The following TMEM135 variants were observed in gnomAD, a reference collection of about 807,000 sequenced individuals.
The protein encoded by TMEM135 is peroxisomal membrane protein 52.
TMEM135 carries 30 observed loss-of-function variants against 60.3 expected under a neutral mutation model. The observed-to-expected ratio is 0.50, with a 90% CI of 0.37 to 0.68. The LOEUF is 0.68. TMEM135 is among the 30% of genes least tolerant of loss of function. The pLI, the probability that TMEM135 is intolerant of heterozygous loss-of-function variation, is 0.00. For synonymous variants in TMEM135, 190 were observed against 186.7 expected, an observed-to-expected ratio of 1.02 and a Z score of -0.14; for missense variants, 468 against 548.8, an observed-to-expected ratio of 0.85 and a Z score of 1.47.
chr11:87,131,471 A>G (rs910060676), intron 4 of TMEM135, among the ~76,000 whole-genome samples: 2 of 152,160 alleles, frequency 1.3e-5, no homozygotes, highest in Non-Finnish European at 2.9e-5. Flanking sequence ...ATACTATTAT[A>G]TCTGCAATGC....
intron 3 of TMEM135, among the ~76,000 whole-genome samples, chr11:87,080,776 C>T (rs891513052): frequency 3.3e-5 from 5 of 152,062 alleles, no homozygotes; most frequent in African/African-American, 1.2e-4. Context: ...AACCTCCACC[C>T]ACCGGGTTCA....
chr11:87,199,113 G>A (rs1940035630), intron 5 of TMEM135, among the ~76,000 whole-genome samples: 1 of 152,190 alleles, frequency 6.6e-6, no homozygotes, highest in South Asian at 2.1e-4. Flanking sequence ...TGTAATCTCA[G>A]CACTTCGGGA....
chr11:87,258,537 C>T lies in TMEM135; in HGVS notation c.509+21853C>T, dbSNP rs146243470. 3.4e-3 allele frequency among the ~76,000 whole-genome samples: 523 copies of T among 152,284 alleles called. 1 individual carries two copies. The highest frequency in any genetic ancestry group is 0.012 in the African/African-American group (498 of 41,556). On this transcript the variant is annotated intron_variant, in intron 6 of 14. Coordinates refer to ENST00000305494, the MANE Select transcript of TMEM135 (RefSeq NM_022918.4). The stretch of plus-strand genomic sequence containing the variant: ...ACATCCCTCCCACTGGTGTCAGTTC[C>T]TACCCCACAGGAGAAAGTGAGATCT...
At chr11:87,038,215 GAGTTTAGTCTGGA>G in intron 1 of TMEM135, 29 bp downstream of exon 1, 1 of 1,612,798 alleles carries the variant, frequency 6.2e-7, no homozygotes, top group Non-Finnish European at 8.5e-7. Context: ...CCCGCAGGGC[GAGTTTAGTCTGGA>G]AGATGGGCCG....
At chr11:87,286,117 C>T (rs960593209) in intron 6 of TMEM135, among the ~76,000 whole-genome samples, 4 of 152,048 alleles carry the variant, frequency 2.6e-5, no homozygotes, top group Non-Finnish European at 5.9e-5. Flanking sequence ...GGTGTATTTA[C>T]GATCCTTTAG....
At chr11:87,318,703 C>T (rs1013959307) in intron 13 of TMEM135, among the ~76,000 whole-genome samples, 2 of 151,902 alleles carry the variant, frequency 1.3e-5, no homozygotes, top group East Asian at 1.9e-4. Flanking sequence ...TTGACATTAA[C>T]GGTGTTAGGG....
intron 1 of TMEM135, among the ~76,000 whole-genome samples, chr11:87,055,463 A>C (rs763985055): frequency 6.6e-6 from 1 of 152,224 alleles, no homozygotes; most frequent in African/African-American, 2.4e-5. Flanking sequence ...GTTTTAAATT[A>C]TAGTAGTCAG....
chr11:87,137,939 C>T lies in TMEM135; in HGVS notation c.397-19402C>T, dbSNP rs558363326. The stretch of plus-strand genomic sequence containing the variant: ...ATCATTTAAATTCCTGAATTACTTA[C>T]CAGCCCACATCTCTAAACAGAAGTA... On this transcript the variant is annotated intron_variant, in intron 4 of 14. Coordinates refer to ENST00000305494, the MANE Select transcript of TMEM135 (RefSeq NM_022918.4). Among the ~76,000 whole-genome samples, 4 of 152,170 alleles carry T rather than the reference C, an allele frequency of 2.6e-5. No homozygotes were observed. The East Asian group carries it at 7.7e-4, about 29-fold the overall frequency.
chr11:87,146,905 G>T (rs900241691), intron 4 of TMEM135, among the ~76,000 whole-genome samples: 9 of 151,366 alleles, frequency 5.9e-5, no homozygotes, highest in Admixed American at 5.3e-4. Context: ...TTGCCTAATA[G>T]GAAATAAATA....
At chr11:87,252,567 G>A (rs1000203832) in intron 6 of TMEM135, among the ~76,000 whole-genome samples, 8 of 152,172 alleles carry the variant, frequency 5.3e-5, no homozygotes, top group Admixed American at 3.9e-4. Context: ...GAGGTCAGGA[G>A]TTTGAGACCA....
chr11:87,144,140 TA>T (rs5793241), intron 4 of TMEM135, among the ~76,000 whole-genome samples: 53,246 of 151,728 alleles, frequency 0.35, 9,761 homozygotes, highest in East Asian at 0.59. Flanking sequence ...TAGTATAAAA[TA>T]AAAAAAACTA....
intron 5 of TMEM135, among the ~76,000 whole-genome samples, chr11:87,209,124 T>C (rs763771469): frequency 2.6e-5 from 4 of 152,168 alleles, no homozygotes; most frequent in Non-Finnish European, 4.4e-5. Flanking sequence ...CCATTGGCAC[T>C]ATAAAGCAAC....
At chr11:87,187,159 A>G (rs1939673919) in intron 5 of TMEM135, among the ~76,000 whole-genome samples, 1 of 152,190 alleles carries the variant, frequency 6.6e-6, no homozygotes, top group Non-Finnish European at 1.5e-5. Flanking sequence ...TGTCAAGCCA[A>G]GTTAAGAATT....
chr11:87,185,518 T>C (rs1422179131), intron 5 of TMEM135, among the ~76,000 whole-genome samples: 1 of 151,306 alleles, frequency 6.6e-6, no homozygotes. Context: ...TGTTTTTTTT[T>C]CTCCTCTCAG....
At chr11:87,076,186 G>A (rs1856868303) in intron 3 of TMEM135, among the ~76,000 whole-genome samples, 1 of 152,186 alleles carries the variant, frequency 6.6e-6, no homozygotes, top group Non-Finnish European at 1.5e-5. Context: ...CCAGGGATAG[G>A]AGTAAGAAAA....
intron 4 of TMEM135, among the ~76,000 whole-genome samples, chr11:87,117,715 T>C (rs1292191101): frequency 6.6e-6 from 1 of 152,200 alleles, no homozygotes; most frequent in African/African-American, 2.4e-5. Context: ...TGAACCCCTC[T>C]ACGTCATCTA....
At chr11:87,250,919 A>T (rs1941403209) in intron 6 of TMEM135, among the ~76,000 whole-genome samples, 1 of 152,188 alleles carries the variant, frequency 6.6e-6, no homozygotes, top group Non-Finnish European at 1.5e-5. Context: ...TCTTGCAGTT[A>T]TCCAGCAGAG....
chr11:87,152,043 G>T (rs1436883032), intron 4 of TMEM135, among the ~76,000 whole-genome samples: 1 of 152,126 alleles, frequency 6.6e-6, no homozygotes, highest in African/African-American at 2.4e-5. Flanking sequence ...CAATCCACCA[G>T]TTCTCAGTCT....
At chr11:87,247,313 C>G (rs1445926814) in intron 6 of TMEM135, among the ~76,000 whole-genome samples, 1 of 152,172 alleles carries the variant, frequency 6.6e-6, no homozygotes, top group African/African-American at 2.4e-5. Flanking sequence ...GTCAGGGACC[C>G]ACTTAAGGAG....
Sources: gnomAD v4.1 joint callset for allele counts (sites outside exome capture counted in the v4.1 genomes callset) on GRCh38, gnomAD v4.1.1 for gene constraint, MANE v1.5 for transcripts, NCBI Gene and HGNC (gene_info 2026-07-23, HGNC 2026-07-21) for gene names.